SLC12A2: variants seen among roughly 807,000 people sequenced by gnomAD.
SLC12A2 encodes Na-K-2Cl cotransporter 1.
Under a neutral mutation model 136.3 loss-of-function variants are expected in SLC12A2, and 67 were observed. The observed-to-expected ratio is 0.49, with a 90% CI of 0.40 to 0.60. SLC12A2 has a LOEUF of 0.60. Ranked by LOEUF, SLC12A2 falls within the 20% of genes least tolerant of loss-of-function variation. The pLI, the probability that SLC12A2 is intolerant of heterozygous loss-of-function variation, is 0.00. For synonymous variants in SLC12A2, 619 were observed against 562.9 expected (o/e 1.10, Z -1.41); for missense variants, 1,322 against 1,534.7 (o/e 0.86, Z 2.32).
intron 1 of SLC12A2, chr5:128,110,652 G>A: frequency 6.7e-6 from 8 of 1,202,726 alleles, no homozygotes; most frequent in Non-Finnish European, 9.9e-6. Context: ...TTGTGCTGAA[G>A]CCAAGACTCC....
At chr5:128,130,452 C>G (rs1761974895) in intron 4 of SLC12A2, among the ~76,000 whole-genome samples, 1 of 145,642 alleles carries the variant, frequency 6.9e-6, no homozygotes, top group Non-Finnish European at 1.5e-5. Flanking sequence ...CAGGTGGAGG[C>G]TGCAGTGGGC....
intron 1 of SLC12A2, chr5:128,110,195 A>G: frequency 1.2e-6 from 1 of 810,680 alleles, no homozygotes; most frequent in Non-Finnish European, 2.2e-6. Flanking sequence ...TTAATTTGGC[A>G]GACTGGCCTT....
At chr5:128,126,980 T>TTTTC (rs1761833841) in intron 4 of SLC12A2, among the ~76,000 whole-genome samples, 1 of 115,312 alleles carries the variant, frequency 8.7e-6, no homozygotes. Flanking sequence ...TTTTTTTTTT[T>TTTTC]TTTTTTTGCA....
In SLC12A2 at chr5:128,180,192, G is replaced by A. The variant is rs147196867; in HGVS notation, c.3101-691G>A. On this transcript the variant is annotated intron_variant, in intron 22 of 26. Coordinates refer to ENST00000262461, the MANE Select transcript of SLC12A2 (RefSeq NM_001046.3). ...TCATCGTGTTAGCCAGGATGGTCTC[G>A]ATCTCCTGACCTCGTGATCCACCCA... Among the ~76,000 whole-genome samples, 926 of 151,528 alleles carry A rather than the reference G, an allele frequency of 6.1e-3. 18 individuals are homozygous for A. The highest frequency in any genetic ancestry group is 0.021 in the African/African-American group (887 of 41,260).
intron 1 of SLC12A2, among the ~76,000 whole-genome samples, chr5:128,102,256 C>A (rs942095320): frequency 1.3e-5 from 2 of 151,756 alleles, no homozygotes; most frequent in Admixed American, 1.3e-4. Flanking sequence ...AAATGTATAA[C>A]GTAAGTTATC....
Position 128,143,834 on chromosome 5 carries a change from CTG to C in SLC12A2, c.1773+1855_1773+1856del, listed in dbSNP as rs558204145. 6.0e-3 allele frequency among the ~76,000 whole-genome samples: 902 copies of C among 150,598 alleles called. 12 individuals carry two copies. The highest frequency in any genetic ancestry group is 6.9e-3 in the South Asian group (33 of 4,782). ...TAAAATTATGTGTTTTATGTACAAT[CTG>C]TAAGTTTTACAATACAATTTTTAAC... On this transcript the variant is annotated intron_variant, in intron 10 of 26. Coordinates refer to ENST00000262461, the MANE Select transcript of SLC12A2 (RefSeq NM_001046.3).
intron 1 of SLC12A2, among the ~76,000 whole-genome samples, chr5:128,106,058 T>C (rs548168344): frequency 4.6e-5 from 7 of 152,198 alleles, no homozygotes; most frequent in Non-Finnish European, 7.4e-5. Context: ...CCCCTTTTTT[T>C]CTCTGTCCTA....
Position 128,172,403 on chromosome 5 carries a change from G to T in SLC12A2, c.2803+657G>T, listed in dbSNP as rs989006192. On this transcript the variant is annotated intron_variant, in intron 19 of 26. Coordinates refer to ENST00000262461, the MANE Select transcript of SLC12A2 (RefSeq NM_001046.3). ...AGCAGTTTACAAAGACTTGTATGTG[G>T]TTGTGTAGTTGTGTGCCACTTATGT... is the stretch of plus-strand genomic sequence containing the variant. Among the ~76,000 whole-genome samples, 11 of 152,122 alleles carry T rather than the reference G, an allele frequency of 7.2e-5. No homozygotes were observed. The East Asian group carries it at 2.1e-3, about 29-fold the overall frequency.
intron 11 of SLC12A2, among the ~76,000 whole-genome samples, chr5:128,148,030 G>T (rs1561687254): frequency 6.6e-6 from 1 of 151,524 alleles, no homozygotes; most frequent in Non-Finnish European, 1.5e-5. Context: ...TAAGGTATAG[G>T]AGTGCAGTCT....
intron 15 of SLC12A2, among the ~76,000 whole-genome samples, chr5:128,156,906 G>C (rs1762887320): frequency 6.6e-6 from 1 of 152,072 alleles, no homozygotes; most frequent in African/African-American, 2.4e-5. Flanking sequence ...TAGTCATTGG[G>C]CCACATTTAG....
intron 20 of SLC12A2, 61 bp downstream of exon 20, chr5:128,174,727 T>G: frequency 7.8e-7 from 1 of 1,280,338 alleles, no homozygotes; most frequent in East Asian, 2.6e-5. Context: ...GGAGAAATAT[T>G]TTTAATTATA....
chr5:128,164,207 A>G (rs754529961), intron 17 of SLC12A2, among the ~76,000 whole-genome samples: 24 of 152,212 alleles, frequency 1.6e-4, no homozygotes, highest in Admixed American at 3.3e-4. Flanking sequence ...TGCACTTCCA[A>G]CAGAGTTTGA....
Position 128,106,376 on chromosome 5 carries a change from G to T in SLC12A2, c.757-6438G>T, listed in dbSNP as rs539976839. Among the ~76,000 whole-genome samples, 14 of 152,036 alleles carry T rather than the reference G, an allele frequency of 9.2e-5. 1 individual carries two copies. Among genetic ancestry groups the T allele is most frequent in the African/African-American group, 3.1e-4 (13 of 41,438 alleles). ...TTATACAGTTTTTATACTTTTTTGT[G>T]TGTGTGGACCAAATACCATACTTGC... is the stretch of plus-strand genomic sequence containing the variant. On this transcript the variant is annotated intron_variant, in intron 1 of 26. Transcript: ENST00000262461.
At chr5:128,100,850 T>C (rs1253325362) in intron 1 of SLC12A2, among the ~76,000 whole-genome samples, 2 of 152,194 alleles carry the variant, frequency 1.3e-5, no homozygotes, top group Non-Finnish European at 2.9e-5. Context: ...GCTTTTAGTT[T>C]ATTGACATTA....
intron 1 of SLC12A2, chr5:128,109,383 G>A (rs1195499368): frequency 2.5e-5 from 8 of 318,696 alleles, no homozygotes; most frequent in Non-Finnish European, 3.7e-5. Context: ...CTTTGGAGTC[G>A]CTGTGATTGG....
At chr5:128,123,075 T>C (rs1050955648) in intron 4 of SLC12A2, among the ~76,000 whole-genome samples, 14 of 152,136 alleles carry the variant, frequency 9.2e-5, no homozygotes, top group Non-Finnish European at 1.9e-4. Context: ...TTGGTGACCT[T>C]TCAGTTTTGC....
intron 17 of SLC12A2, among the ~76,000 whole-genome samples, chr5:128,167,468 TTCTC>T (rs1191454447): frequency 1.1e-4 from 16 of 151,066 alleles, no homozygotes; most frequent in African/African-American, 3.5e-4. Flanking sequence ...TATATTCTCT[TTCTC>T]TTAGTAAAAA....
intron 18 of SLC12A2, 79 bp downstream of exon 18, chr5:128,167,946 T>C: frequency 1.3e-6 from 1 of 763,372 alleles, no homozygotes; most frequent in Non-Finnish European, 2.1e-6. Flanking sequence ...TTTTGGAGAC[T>C]GTTTCTCATA....
chr5:128,179,485 TAAAGA>T (rs1386010344), intron 22 of SLC12A2, among the ~76,000 whole-genome samples: 1 of 152,198 alleles, frequency 6.6e-6, no homozygotes, highest in Non-Finnish European at 1.5e-5. Context: ...GGGTAGTTTC[TAAAGA>T]AAAGAGGTTT....
Sources: gnomAD v4.1 joint callset for allele counts (sites outside exome capture counted in the v4.1 genomes callset) on GRCh38, gnomAD v4.1.1 for gene constraint, MANE v1.5 for transcripts, NCBI Gene and HGNC (gene_info 2026-07-23, HGNC 2026-07-21) for gene names.